PRKG1: variants seen among roughly 807,000 people sequenced by gnomAD.
The protein encoded by PRKG1 is cGMP-dependent protein kinase 1.
A neutral mutation model predicts 88.1 loss-of-function variants in PRKG1; 35 were observed. The ratio of observed to expected loss-of-function variants is 0.40; its 90% CI spans 0.30 to 0.53. PRKG1 has a LOEUF of 0.53. Ranked by LOEUF, PRKG1 falls within the 20% of genes least tolerant of loss-of-function variation. The pLI is 0.59. For missense variants in PRKG1, 540 were observed against 839.8 expected (o/e 0.64, Z 4.41); for synonymous variants, 303 against 292.5 (o/e 1.04, Z -0.37).
chr10:51,895,309 T>A (rs1008043115), intron 4 of PRKG1, among the ~76,000 whole-genome samples: 1 of 152,190 alleles, frequency 6.6e-6, no homozygotes, highest in African/African-American at 2.4e-5. Context: ...CTTTTCAGTT[T>A]CTTCTGGGTG....
intron 10 of PRKG1, among the ~76,000 whole-genome samples, chr10:52,264,943 C>A (rs922275328): frequency 6.6e-6 from 1 of 152,018 alleles, no homozygotes; most frequent in African/African-American, 2.4e-5. Flanking sequence ...TTTCCTTAAG[C>A]GACCTTTGTG....
chr10:51,303,097 T>C (rs1407274487), intron 2 of PRKG1, among the ~76,000 whole-genome samples: 1 of 152,118 alleles, frequency 6.6e-6, no homozygotes, highest in South Asian at 2.1e-4. Context: ...ATTGGTCTGT[T>C]TGCAAATATG....
chr10:51,600,209 C>G (rs1838561881), intron 3 of PRKG1, among the ~76,000 whole-genome samples: 1 of 151,914 alleles, frequency 6.6e-6, no homozygotes, highest in African/African-American at 2.4e-5. Flanking sequence ...GTATTTATAC[C>G]TCTGCCTTAG....
intron 5 of PRKG1, among the ~76,000 whole-genome samples, chr10:51,953,637 T>C (rs1373925599): frequency 3.3e-4 from 50 of 152,142 alleles, no homozygotes; most frequent in Non-Finnish European, 1.2e-4. Flanking sequence ...CCTGGCAGTG[T>C]GTCAGTAAGT....
intron 4 of PRKG1, among the ~76,000 whole-genome samples, chr10:51,810,626 G>T (rs10999575): frequency 0.041 from 6,301 of 152,084 alleles, 282 homozygotes; most frequent in East Asian, 0.12. Context: ...AAACAATAAT[G>T]CTTGTATATA....
intron 2 of PRKG1, among the ~76,000 whole-genome samples, chr10:51,431,131 C>T (rs1838757890): frequency 6.6e-6 from 1 of 152,128 alleles, no homozygotes; most frequent in Non-Finnish European, 1.5e-5. Context: ...GGAGGGTGAG[C>T]TGCTCCCTGT....
chr10:51,840,548 TA>T (rs1430047614), intron 4 of PRKG1, among the ~76,000 whole-genome samples: 1 of 150,438 alleles, frequency 6.6e-6, no homozygotes, highest in Non-Finnish European at 1.5e-5. Flanking sequence ...TTTATTTATT[TA>T]TTTATTTATT....
At chr10:51,324,222 CCCATTAA>C (rs1474901484) in intron 2 of PRKG1, among the ~76,000 whole-genome samples, 1 of 151,980 alleles carries the variant, frequency 6.6e-6, no homozygotes, top group Non-Finnish European at 1.5e-5. Flanking sequence ...TATTTTTGTA[CCCATTAA>C]CCAACTGTTC....
chr10:51,934,662 T>C (rs891726076), intron 5 of PRKG1, among the ~76,000 whole-genome samples: 1 of 152,186 alleles, frequency 6.6e-6, no homozygotes, highest in South Asian at 2.1e-4. Flanking sequence ...GGTTTATCCC[T>C]GTTTTCCCTA....
chr10:51,897,341 A>G (rs1002151050), intron 4 of PRKG1, among the ~76,000 whole-genome samples: 4 of 152,190 alleles, frequency 2.6e-5, no homozygotes, highest in African/African-American at 9.6e-5. Context: ...AATTTGATGC[A>G]GAGATGATTT....
At chr10:51,561,199 C>T (rs1837451481) in intron 3 of PRKG1, among the ~76,000 whole-genome samples, 1 of 151,704 alleles carries the variant, frequency 6.6e-6, no homozygotes, top group Non-Finnish European at 1.5e-5. Context: ...TGCCTATAGT[C>T]CCAGATATGC....
At chr10:51,123,739 T>C (rs1042504117) in intron 1 of PRKG1, among the ~76,000 whole-genome samples, 2 of 150,674 alleles carry the variant, frequency 1.3e-5, no homozygotes, top group South Asian at 2.1e-4. Flanking sequence ...GGGTAATTTA[T>C]AGAGAAAAGA....
intron 3 of PRKG1, among the ~76,000 whole-genome samples, chr10:51,693,193 C>T (rs939139645): frequency 2.7e-5 from 4 of 145,484 alleles, no homozygotes; most frequent in African/African-American, 1.0e-4. Flanking sequence ...GAGGATGAGG[C>T]AGGGAAATCA....
At chr10:51,094,412 C>T (rs181063358) in intron 1 of PRKG1, among the ~76,000 whole-genome samples, 48 of 151,938 alleles carry the variant, frequency 3.2e-4, no homozygotes, top group African/African-American at 1.1e-3. Context: ...TTGAATGGGT[C>T]GTGTTTGGTT....
chr10:51,224,364 G>A (rs1418803570), intron 2 of PRKG1, among the ~76,000 whole-genome samples: 1 of 152,172 alleles, frequency 6.6e-6, no homozygotes, highest in East Asian at 1.9e-4. Flanking sequence ...CCATCCTAAC[G>A]ATCTCTTCAG....
chr10:51,564,731 C>T (rs1019866297), intron 3 of PRKG1, among the ~76,000 whole-genome samples: 6 of 152,070 alleles, frequency 3.9e-5, no homozygotes, highest in Non-Finnish European at 7.4e-5. Flanking sequence ...ATATGGTTCA[C>T]AAACTGAAAA....
chr10:51,393,318 G>A (rs564436073), intron 2 of PRKG1, among the ~76,000 whole-genome samples: 1 of 148,782 alleles, frequency 6.7e-6, no homozygotes, highest in African/African-American at 2.5e-5. Context: ...CCGGGAAGAG[G>A]CGCTCCTCAC....
intron 2 of PRKG1, among the ~76,000 whole-genome samples, chr10:51,399,170 T>A (rs937091190): frequency 6.6e-6 from 1 of 151,782 alleles, no homozygotes; most frequent in East Asian, 1.9e-4. Context: ...AGATATAAGA[T>A]GTGTTATATA....
chr10:52,020,634 C>T (rs1261691092), intron 5 of PRKG1, among the ~76,000 whole-genome samples: 3 of 152,040 alleles, frequency 2.0e-5, no homozygotes, highest in Non-Finnish European at 4.4e-5. Flanking sequence ...ATGGGCTGGC[C>T]CCTTTCCCAT....
Sources: allele counts gnomAD v4.1 joint callset (sites outside exome capture counted in the v4.1 genomes callset), GRCh38; gene constraint gnomAD v4.1.1; transcripts MANE v1.5; gene names NCBI Gene and HGNC (gene_info 2026-07-23, HGNC 2026-07-21).